The following PARVB variants were observed in gnomAD, a reference collection of about 807,000 sequenced individuals.
The protein encoded by PARVB is parvin beta.
Under a neutral mutation model 47.0 loss-of-function variants are expected in PARVB, and 46 were observed. That is an observed-to-expected ratio of 0.98 (90% CI 0.77 to 1.25). The LOEUF (loss-of-function observed/expected upper bound fraction) is 1.25. Among genes scored for constraint, PARVB ranks in the 50% most tolerant of loss-of-function variants. The pLI, the probability that PARVB is intolerant of heterozygous loss-of-function variation, is 0.00. For synonymous variants in PARVB, 196 were observed against 196.3 expected (o/e 1.00, Z 0.01); for missense variants, 473 against 471.6 (o/e 1.00, Z -0.03).
chr22:44,127,644 G>A (rs529901323), intron 4 of PARVB, among the ~76,000 whole-genome samples: 108 of 152,338 alleles, frequency 7.1e-4, no homozygotes, highest in Non-Finnish European at 1.4e-3. Context: ...ACAAGGGAGG[G>A]GGAGCCAGAG....
chr22:44,058,839 G>A (rs1221081310), intron 1 of PARVB, among the ~76,000 whole-genome samples: 2 of 152,150 alleles, frequency 1.3e-5, no homozygotes, highest in African/African-American at 4.8e-5. Flanking sequence ...ACAGGCATGA[G>A]CCTCTGCGCC....
intron 1 of PARVB, among the ~76,000 whole-genome samples, chr22:44,024,902 C>T (rs1297445391): frequency 1.3e-5 from 2 of 152,220 alleles, no homozygotes; most frequent in East Asian, 3.8e-4. Flanking sequence ...GGGTGCGGGG[C>T]TCAGGGCGTG....
At chr22:44,122,355 G>A (rs530510937) in intron 4 of PARVB, among the ~76,000 whole-genome samples, 29 of 152,082 alleles carry the variant, frequency 1.9e-4, no homozygotes, top group African/African-American at 4.6e-4. Flanking sequence ...GATGTGCACC[G>A]TGCACCTGTA....
intron 11 of PARVB, among the ~76,000 whole-genome samples, chr22:44,161,841 C>T (rs1247542081): frequency 6.6e-6 from 1 of 152,218 alleles, no homozygotes; most frequent in African/African-American, 2.4e-5. Context: ...CACTCCTCCC[C>T]CATTGCCAGT....
rs3083345 is a variant in PARVB, at chr22:44,055,656, A to ATCTCTC, written c.112+31223_112+31228dup. Among the ~76,000 whole-genome samples the ATCTCTC allele has an allele frequency of 2.3e-3, 348 of 148,376 alleles. 3 individuals are homozygous for ATCTCTC. The highest frequency in any genetic ancestry group is 0.018 in the Middle Eastern group (5 of 284). ...CCTGTCTCTCTGTCTGTCTCTATCC[A>ATCTCTC]TCTCTCTCTCTCTCTCTCTCTCTAT... On this transcript the variant is annotated intron_variant, in intron 1 of 12. Transcript: ENST00000338758.
At chr22:44,158,108 G>A (rs773011725) in intron 11 of PARVB, 25 bp downstream of exon 11, 1 of 1,469,412 alleles carries the variant, frequency 6.8e-7, no homozygotes. Flanking sequence ...TCCATCCTTG[G>A]TAGGGGCTCA....
rs368448068 is a variant in PARVB, at chr22:44,092,121, C to CT, written c.113-1799dup. 1.6e-3 allele frequency among the ~76,000 whole-genome samples: 245 copies of CT among 151,946 alleles called. 4 individuals are homozygous for CT. The highest frequency in any genetic ancestry group is 5.4e-3 in the African/African-American group (225 of 41,454). ...TGCGGAAACATGGGTTATTTCCACT[C>CT]TTTTTTTTGAGATGGAGTCTCGCTC... On this transcript the variant is annotated intron_variant, in intron 1 of 12. Coordinates refer to ENST00000338758, the MANE Select transcript of PARVB (RefSeq NM_013327.5).
At chr22:44,121,217 C>G (rs1034119381) in intron 4 of PARVB, among the ~76,000 whole-genome samples, 2 of 151,974 alleles carry the variant, frequency 1.3e-5, no homozygotes, top group Admixed American at 6.6e-5. Flanking sequence ...GTTGCCCAGG[C>G]CTGTTTTGTA....
chr22:44,115,891 T>C (rs2052882536), intron 3 of PARVB: 1 of 51,564 alleles, frequency 1.9e-5, no homozygotes, highest in East Asian at 5.7e-4. Flanking sequence ...GACACATCAT[T>C]ACTAACTAAG....
chr22:44,100,158 T>C, intron 3 of PARVB, 35 bp downstream of exon 3: 1 of 1,550,088 alleles, frequency 6.5e-7, no homozygotes, highest in Non-Finnish European at 8.9e-7. Flanking sequence ...ATCTTCCTCT[T>C]AGGGCGAGGA....
rs143992052 is a variant in PARVB, at chr22:44,155,035, G to GGTGT, written c.844-2927_844-2924dup. ...TGTGTGTGGTTTTTGTAGTCTGTGT[G>GGTGT]GTGTGTGTGTGTGTGTGTGTGTGGT... On this transcript the variant is annotated intron_variant, in intron 10 of 12. Coordinates refer to ENST00000338758, the MANE Select transcript of PARVB (RefSeq NM_013327.5). This position sits in a 1 kb window ranked among gnomAD's most constrained non-coding sequence, Gnocchi z 4.8. Among the ~76,000 whole-genome samples the GGTGT allele has an allele frequency of 3.4e-5, 4 of 116,252 alleles. No individual in the cohort carries two copies. Among genetic ancestry groups the GGTGT allele is most frequent in the Non-Finnish European group, 5.0e-5 (3 of 59,424 alleles). The allele number at this position is 116,252 out of a possible 152,430, so 76.3% of individuals were successfully genotyped here.
chr22:44,095,646 T>A (rs896137368), intron 2 of PARVB, among the ~76,000 whole-genome samples: 1 of 152,182 alleles, frequency 6.6e-6, no homozygotes, highest in Non-Finnish European at 1.5e-5. Context: ...CACTGCCTGA[T>A]GTAATGGGTA....
chr22:44,025,308 C>T (rs887269121), intron 1 of PARVB, among the ~76,000 whole-genome samples: 4 of 152,110 alleles, frequency 2.6e-5, no homozygotes, highest in Admixed American at 1.3e-4. Context: ...GACATATCCC[C>T]TGGGAACTCT....
At chr22:44,066,809 TCC>T (rs1333697240) in intron 1 of PARVB, among the ~76,000 whole-genome samples, 12 of 147,414 alleles carry the variant, frequency 8.1e-5, no homozygotes, top group Non-Finnish European at 1.8e-4. Context: ...CTCCTCCTCC[TCC>T]TCCTCCTCCT....
intron 1 of PARVB, among the ~76,000 whole-genome samples, chr22:44,043,676 C>T (rs1328414260): frequency 2.6e-5 from 4 of 152,058 alleles, no homozygotes; most frequent in Non-Finnish European, 5.9e-5. Flanking sequence ...TGCGCCCAGC[C>T]GAATTGTACA....
rs143897439 is a variant in PARVB at position 44,005,972 on chromosome 22, G to T, written c.211+6299G>T. Among the ~76,000 whole-genome samples, 175 of 152,244 alleles carry T rather than the reference G, an allele frequency of 1.1e-3. 1 individual carries two copies. Among genetic ancestry groups the T allele is most frequent in the African/African-American group, 3.6e-3 (148 of 41,546 alleles). On this transcript the variant is annotated intron_variant, in intron 2 of 13. Coordinates refer to the PARVB transcript ENST00000406477. ...CCCAATTCTTTGTTCAAAACGCCAA[G>T]ACTCATAATCAAGACCCTCCACTGG...
intron 2 of PARVB, among the ~76,000 whole-genome samples, chr22:44,011,095 A>T (rs1020588540): frequency 6.6e-6 from 1 of 152,040 alleles, no homozygotes; most frequent in Admixed American, 6.5e-5. Flanking sequence ...AAGTGCTGCG[A>T]TTACAGGCGT....
At chr22:44,148,309 C>CCATA (rs1258451718) in intron 9 of PARVB, 3 of 301,964 alleles carry the variant, frequency 9.9e-6, no homozygotes, top group Admixed American at 8.6e-5. Flanking sequence ...CTGAGCTGTG[C>CCATA]CATACATGGA....
intron 2 of PARVB, among the ~76,000 whole-genome samples, chr22:44,014,201 T>C (rs1444974205): frequency 6.6e-6 from 1 of 152,212 alleles, no homozygotes; most frequent in East Asian, 1.9e-4. Context: ...GGTCCCTCTT[T>C]CTGCAGGCCC....
Sources: allele counts gnomAD v4.1 joint callset (sites outside exome capture counted in the v4.1 genomes callset), GRCh38; gene constraint gnomAD v4.1.1; non-coding constraint Gnocchi (gnomAD v3.1); transcripts MANE v1.5; gene names NCBI Gene and HGNC (gene_info 2026-07-23, HGNC 2026-07-21).